GRIA4: variants seen among roughly 807,000 people sequenced by gnomAD.
The protein encoded by GRIA4 is glutamate receptor 4.
A neutral mutation model predicts 104.0 loss-of-function variants in GRIA4; 34 were observed. The observed-to-expected ratio is 0.33, with a 90% CI of 0.25 to 0.44. GRIA4 has a LOEUF of 0.44. Ranked by LOEUF, GRIA4 falls within the 20% of genes least tolerant of loss-of-function variation. The pLI, the probability that GRIA4 is intolerant of heterozygous loss-of-function variation, is 1.00. For missense variants in GRIA4, 750 were observed against 1,096.5 expected (o/e 0.68, Z 4.46); for synonymous variants, 386 against 381.9 (o/e 1.01, Z -0.13).
chr11:105,613,046 T>C (rs1192187207), intron 3 of GRIA4: 2 of 152,280 alleles, frequency 1.3e-5, no homozygotes, highest in Non-Finnish European at 2.9e-5. Flanking sequence ...GCATATATCC[T>C]GTGGATATAA....
chr11:105,796,837 C>G lies in GRIA4; in HGVS notation c.487+43617C>G, dbSNP rs144450955. 6.3e-3 allele frequency among the ~76,000 whole-genome samples: 964 copies of G among 152,118 alleles called. 17 individuals are homozygous for G. Among genetic ancestry groups the G allele is most frequent in the African/African-American group, 0.022 (915 of 41,494 alleles). On this transcript the variant is annotated intron_variant, in intron 4 of 16. Transcript: ENST00000282499. ...TTATCATTAGCCTTTCTTTTCTTTACAATGTAAACTTTAATGTTGTATTTT... is the reference window on the plus strand; with the variant it reads ...TTATCATTAGCCTTTCTTTTCTTTAGAATGTAAACTTTAATGTTGTATTTT...
intron 5 of GRIA4, among the ~76,000 whole-genome samples, chr11:105,866,516 C>G: frequency 7.1e-6 from 1 of 141,806 alleles, no homozygotes; most frequent in African/African-American, 2.6e-5. Context: ...TATATATACA[C>G]ACATACATAT....
intron 3 of GRIA4, among the ~76,000 whole-genome samples, chr11:105,667,176 T>C (rs1462773350): frequency 1.3e-5 from 2 of 152,072 alleles, no homozygotes; most frequent in African/African-American, 4.8e-5. Flanking sequence ...TTGGATTTTG[T>C]ATGCACCTAG....
intron 3 of GRIA4, among the ~76,000 whole-genome samples, 154 bp from the exon 4 acceptor site, chr11:105,752,823 CAATT>C (rs1314019737): frequency 2.0e-5 from 3 of 152,092 alleles, no homozygotes; most frequent in African/African-American, 4.8e-5. Context: ...ATTGATTGTG[CAATT>C]AATTGCACAC....
At position 105,754,454 on chromosome 11, in the gene GRIA4, T is replaced by C. The variant is rs545606575; in HGVS notation, c.487+1234T>C. ...AGTAATTGAAGGGCCATGACGATGA[T>C]AGAGGTTTGGCAATAAGACTTCTGC... On this transcript the variant is annotated intron_variant, in intron 4 of 16. Transcript: ENST00000282499. Among the ~76,000 whole-genome samples the C allele has an allele frequency of 2.4e-4, 37 of 152,280 alleles. 1 individual carries two copies. Among genetic ancestry groups the C allele is most frequent in the African/African-American group, 7.9e-4 (33 of 41,570 alleles).
chr11:105,623,877 C>T (rs983622737), intron 3 of GRIA4, among the ~76,000 whole-genome samples: 2 of 152,040 alleles, frequency 1.3e-5, no homozygotes, highest in Non-Finnish European at 2.9e-5. Context: ...ACTTTTTAAA[C>T]GTCCTGTCCT....
intron 14 of GRIA4, among the ~76,000 whole-genome samples, chr11:105,962,373 T>C (rs936131604): frequency 6.6e-6 from 1 of 152,114 alleles, no homozygotes; most frequent in African/African-American, 2.4e-5. Flanking sequence ...TAATAATAAA[T>C]GGAAAAAATT....
chr11:105,752,811 T>C (rs930052465), intron 3 of GRIA4, among the ~76,000 whole-genome samples, 170 bp from the exon 4 acceptor site: 2 of 152,184 alleles, frequency 1.3e-5, no homozygotes, highest in Non-Finnish European at 2.9e-5. Flanking sequence ...AATAATTCAT[T>C]AATTGATTGT....
intron 3 of GRIA4, among the ~76,000 whole-genome samples, chr11:105,629,464 T>G (rs1591466070): frequency 1.3e-5 from 2 of 151,752 alleles, no homozygotes; most frequent in African/African-American, 4.8e-5. Context: ...AAGATAATGG[T>G]GAGGGAAAAA....
chr11:105,610,899 T>C lies in GRIA4; in HGVS notation c.-90-9T>C. 1 of 487,900 alleles carries C rather than the reference T, an allele frequency of 2.0e-6. No homozygotes were observed. The highest frequency in any genetic ancestry group is 3.6e-6 in the Non-Finnish European group (1 of 280,168). The allele number at this position is 487,900 out of a possible 1,614,324, so 30.2% of individuals were successfully genotyped here. A position where few individuals can be genotyped will look rare whatever the true frequency, so the allele number is the denominator to read the frequency against. ...TTTTTTTTTTTTTTTTGGTTGATTT[T>C]AATTTTAGCGCCATCGTCTTCAATG... On this transcript the variant is annotated splice_polypyrimidine_tract_variant and intron_variant, in intron 1 of 16. Transcript: ENST00000282499.
chr11:105,812,049 C>T (rs997737307), intron 4 of GRIA4, among the ~76,000 whole-genome samples: 2 of 152,220 alleles, frequency 1.3e-5, no homozygotes, highest in Admixed American at 1.3e-4. Context: ...GCCTGGAAGG[C>T]TGGGAGAGTG....
At chr11:105,788,249 G>T (rs1591258537) in intron 4 of GRIA4, among the ~76,000 whole-genome samples, 1 of 152,168 alleles carries the variant, frequency 6.6e-6, no homozygotes, top group African/African-American at 2.4e-5. Flanking sequence ...AAAAACAAAA[G>T]ATGTTGGCAT....
At chr11:105,897,162 G>A (rs1469772390) in intron 6 of GRIA4, among the ~76,000 whole-genome samples, 2 of 151,904 alleles carry the variant, frequency 1.3e-5, no homozygotes, top group Non-Finnish European at 2.9e-5. Flanking sequence ...TTTTGTATGT[G>A]TGTGTGTGGC....
intron 4 of GRIA4, chr11:105,824,586 T>C (rs1172351716): frequency 6.6e-6 from 1 of 152,122 alleles, no homozygotes; most frequent in African/African-American, 2.4e-5. Flanking sequence ...TTGTACCATA[T>C]GTTGTTCTCC....
At chr11:105,817,055 G>A (rs1288903352) in intron 4 of GRIA4, among the ~76,000 whole-genome samples, 1 of 151,924 alleles carries the variant, frequency 6.6e-6, no homozygotes, top group Non-Finnish European at 1.5e-5. Context: ...CTCAGGTTCT[G>A]AAATCCAACT....
chr11:105,950,043 G>C (rs1228508244), intron 14 of GRIA4, among the ~76,000 whole-genome samples: 1 of 152,172 alleles, frequency 6.6e-6, no homozygotes, highest in Non-Finnish European at 1.5e-5. Flanking sequence ...ATATAATACA[G>C]TTATACTTTA....
intron 4 of GRIA4, among the ~76,000 whole-genome samples, chr11:105,777,694 G>A (rs953504204): frequency 6.6e-6 from 1 of 152,086 alleles, no homozygotes; most frequent in Non-Finnish European, 1.5e-5. Flanking sequence ...CAGAGATCCT[G>A]GAAAAGTTCA....
intron 4 of GRIA4, 97 bp downstream of exon 4, chr11:105,753,317 A>G (rs1940116051): frequency 1.9e-6 from 2 of 1,054,418 alleles, no homozygotes; most frequent in South Asian, 2.9e-5. Context: ...TTTGATCTCT[A>G]ACATCACTAA....
chr11:105,689,966 G>T (rs994668659), intron 3 of GRIA4, among the ~76,000 whole-genome samples: 2 of 152,170 alleles, frequency 1.3e-5, no homozygotes, highest in African/African-American at 4.8e-5. Flanking sequence ...CCTGCTGGCA[G>T]CTTCTGGGCC....
Sources: gnomAD v4.1 joint callset for allele counts (sites outside exome capture counted in the v4.1 genomes callset) on GRCh38, gnomAD v4.1.1 for gene constraint, MANE v1.5 for transcripts, NCBI Gene and HGNC (gene_info 2026-07-23, HGNC 2026-07-21) for gene names.